Variants in LSM5 observed in about 807,000 individuals in gnomAD.
The protein encoded by LSM5 is U6 snRNA-associated Sm-like protein LSm5.
Under a neutral mutation model 13.8 loss-of-function variants are expected in LSM5, and 8 were observed. The ratio of observed to expected loss-of-function variants is 0.58; its 90% CI spans 0.34 to 1.04. The LOEUF (loss-of-function observed/expected upper bound fraction) is 1.04. Ranked by LOEUF, LSM5 falls within the 50% of genes least tolerant of loss-of-function variation. The pLI is 0.03. For missense variants in LSM5, 80 were observed against 108.1 expected (o/e 0.74, Z 1.15); for synonymous variants, 35 against 37.0 (o/e 0.95, Z 0.20).
rs1454386591 is a variant in LSM5 at position 32,485,662 on chromosome 7, T to C, written c.*1599A>G. ...GGCCAGGCCTGGTGGCTCATGCCTT[T>C]AATACCGGCACTTTGGGAGGCTGAG... On this transcript the variant is annotated 3_prime_UTR_variant, in exon 5 of 5. Transcript: ENST00000450169. 2 of 152,224 alleles carry C rather than the reference T, an allele frequency of 1.3e-5. No homozygotes were observed. Among genetic ancestry groups the C allele is most frequent in the Non-Finnish European group, 2.9e-5 (2 of 68,048 alleles). 9.4% of individuals were successfully genotyped at this position (152,224 alleles called of 1,614,324 possible).
At chr7:32,493,663 G>C (rs1786647083), upstream of LSM5, among the ~76,000 whole-genome samples, 1 of 151,856 alleles carries the variant, frequency 6.6e-6, no homozygotes, top group Non-Finnish European at 1.5e-5. Flanking sequence ...TCTTGCCTCA[G>C]CCTCCCTAGT....
chr7:32,486,463 A>G lies in LSM5; in HGVS notation c.*798T>C, dbSNP rs901996624. On this transcript the variant is annotated 3_prime_UTR_variant, in exon 5 of 5. Coordinates refer to ENST00000450169, the MANE Select transcript of LSM5 (RefSeq NM_012322.3). ...TTACCTACAATTCTACGATGTGCAT[A>G]TATTACCTGTTTGTTTTTAATAGGA... 1.3e-5 allele frequency: 2 copies of G among 152,190 alleles called. No homozygotes were observed. The highest frequency in any genetic ancestry group is 6.5e-5 in the Admixed American group (1 of 15,274). 9.4% of individuals were successfully genotyped at this position (152,190 alleles called of 1,614,324 possible). A position where few individuals can be genotyped will look rare whatever the true frequency, so the allele number is the denominator to read the frequency against.
intron 4 of LSM5, 109 bp from the exon 5 acceptor site, chr7:32,487,402 C>A: frequency 1.3e-6 from 1 of 783,460 alleles, no homozygotes; most frequent in Non-Finnish European, 2.2e-6. Flanking sequence ...TCCACGTTCC[C>A]ATTTTCTCCA....
At chr7:32,489,369 T>C (rs1199709001) in intron 1 of LSM5, 25 bp from the exon 2 acceptor site, 1 of 1,300,102 alleles carries the variant, frequency 7.7e-7, no homozygotes, top group Non-Finnish European at 1.1e-6. Flanking sequence ...AATATTATTT[T>C]ACCATTCATT....
At chr7:32,494,543 A>G (rs1219259546), upstream of LSM5, among the ~76,000 whole-genome samples, 1 of 152,252 alleles carries the variant, frequency 6.6e-6, no homozygotes, top group African/African-American at 2.4e-5. Context: ...CAGTTACTGT[A>G]GTAATCTCGA....
At chr7:32,490,011 AG>A in intron 1 of LSM5, 1 of 1,329,588 alleles carries the variant, frequency 7.5e-7, no homozygotes, top group Admixed American at 2.7e-5. Context: ...CAGGCTGAGA[AG>A]TAGGCCTACT....
At chr7:32,488,705 T>A in intron 2 of LSM5, 53 bp from the exon 3 acceptor site, 1 of 1,254,690 alleles carries the variant, frequency 8.0e-7, no homozygotes, top group Non-Finnish European at 1.2e-6. Context: ...GCTTCTGCCT[T>A]TGTTCAGCTT....
upstream of LSM5, among the ~76,000 whole-genome samples, chr7:32,491,462 T>C (rs1226800050): frequency 6.7e-6 from 1 of 149,292 alleles, no homozygotes; most frequent in Non-Finnish European, 1.5e-5. Flanking sequence ...CATTCATTCA[T>C]ACAACAAATG....
chr7:32,488,491 C>T (rs185923824), intron 3 of LSM5, 134 bp downstream of exon 3: 7 of 653,816 alleles, frequency 1.1e-5, no homozygotes, highest in Middle Eastern at 6.0e-4. Context: ...ATTTTACAAG[C>T]AAACAGATAA....
upstream of LSM5, among the ~76,000 whole-genome samples, chr7:32,492,252 A>G (rs889383879): frequency 6.6e-6 from 1 of 152,226 alleles, no homozygotes; most frequent in Non-Finnish European, 1.5e-5. Flanking sequence ...TAGGCTGGGC[A>G]CAGTGGCTCA....
At chr7:32,490,182 A>T in intron 1 of LSM5, 138 bp downstream of exon 1, 1 of 1,563,766 alleles carries the variant, frequency 6.4e-7, no homozygotes, top group Non-Finnish European at 8.7e-7. Context: ...TGTCGCGAAG[A>T]CTTGGAGCTC....
chr7:32,490,439 G>T, upstream of LSM5: 5 of 1,277,358 alleles, frequency 3.9e-6, no homozygotes, highest in Non-Finnish European at 5.7e-6. Context: ...TTTTTCCGCA[G>T]CCCAAACAGG....
upstream of LSM5, chr7:32,490,712 T>C (rs767261036): frequency 3.1e-5 from 9 of 288,538 alleles, no homozygotes; most frequent in Admixed American, 2.4e-4. Context: ...TTCAAACCAG[T>C]ATAAATCAAT....
rs889177158 is a variant in LSM5 at position 32,486,214 on chromosome 7, T to C, written c.*1047A>G. 7 of 152,210 alleles carry C rather than the reference T, an allele frequency of 4.6e-5. No homozygotes were observed. The highest frequency in any genetic ancestry group is 7.2e-5 in the African/African-American group (3 of 41,450). 9.4% of individuals were successfully genotyped at this position (152,210 alleles called of 1,614,324 possible). A position where few individuals can be genotyped will look rare whatever the true frequency, so the allele number is the denominator to read the frequency against. On this transcript the variant is annotated 3_prime_UTR_variant, in exon 5 of 5. Coordinates refer to ENST00000450169, the MANE Select transcript of LSM5 (RefSeq NM_012322.3). Reference sequence around the variant, plus strand: ...GTTAGACTACTGTGGCCAGTAAGAATAGGCTAAATAATTTATAGTAAATCC... The same window carrying C: ...GTTAGACTACTGTGGCCAGTAAGAACAGGCTAAATAATTTATAGTAAATCC...
upstream of LSM5, chr7:32,490,474 A>G: frequency 1.1e-6 from 1 of 891,194 alleles, no homozygotes; most frequent in South Asian, 1.4e-5. Flanking sequence ...GGCCGAGCGC[A>G]CGATCTAGTC....
rs757143955 is a variant in LSM5, at chr7:32,490,260, C to T, written c.46+60G>A. 7.4e-6 allele frequency: 12 copies of T among 1,614,042 alleles called. No homozygotes were observed. In the South Asian group the frequency reaches 1.2e-4, roughly 16 times the overall value. ...GCCAGGGCCTGCCTCGGAACAGCCCCTCGGCCCCCAATCCTGAATGTCAGC... is the reference window on the plus strand; with the variant it reads ...GCCAGGGCCTGCCTCGGAACAGCCCTTCGGCCCCCAATCCTGAATGTCAGC... On this transcript the variant is annotated intron_variant, in intron 1 of 4. Coordinates refer to ENST00000450169, the MANE Select transcript of LSM5 (RefSeq NM_012322.3).
At position 32,487,294 on chromosome 7, in the gene LSM5, C is replaced by G. The variant is rs747215190; in HGVS notation, c.244-1G>C. On this transcript the variant is annotated splice_acceptor_variant, in intron 4 of 4. Transcript: ENST00000450169. LOFTEE classifies it high-confidence loss of function. The stretch of plus-strand genomic sequence containing the variant: ...CAGGTCCTTCTCCTCCAGGAACCAG[C>G]TGCATAAAGAGGAAAAAGAGTTTAT... 1 of 1,613,352 alleles carries G rather than the reference C, an allele frequency of 6.2e-7. No individual in the cohort carries two copies.
chr7:32,490,367 G>C lies in LSM5; in HGVS notation c.-2C>G. 1.2e-6 allele frequency: 2 copies of C among 1,612,646 alleles called. No individual in the cohort carries two copies. The highest frequency in any genetic ancestry group is 1.7e-6 in the Non-Finnish European group (2 of 1,178,560). On this transcript the variant is annotated 5_prime_UTR_variant, in exon 1 of 5. Transcript: ENST00000450169. The stretch of plus-strand genomic sequence containing the variant: ...GTTGGTAGTAGCGTTAGCCGCCATG[G>C]CTACGCCGGAAGTGGCCTGCCTTCA...
intron 3 of LSM5, chr7:32,488,388 C>T (rs67063590): frequency 0.074 from 30,927 of 417,600 alleles, 1,386 homozygotes; most frequent in Non-Finnish European, 0.091. Context: ...AAATTCCTGG[C>T]TCTTTTTGTT....
Sources: allele counts gnomAD v4.1 joint callset (sites outside exome capture counted in the v4.1 genomes callset), GRCh38; gene constraint gnomAD v4.1.1; transcripts MANE v1.5; gene names NCBI Gene and HGNC (gene_info 2026-07-23, HGNC 2026-07-21).